Variants in MFSD6 observed in about 807,000 individuals in gnomAD.
MFSD6 encodes major facilitator superfamily domain-containing protein 6.
MFSD6 carries 26 observed loss-of-function variants against 56.3 expected under a neutral mutation model. The ratio of observed to expected loss-of-function variants is 0.46; its 90% confidence interval spans 0.34 to 0.64. MFSD6 has a LOEUF of 0.64. Ranked by LOEUF, MFSD6 falls within the 30% of genes least tolerant of loss-of-function variation. The pLI is 0.01. For missense variants in MFSD6, 750 were observed against 986.2 expected, an observed-to-expected ratio of 0.76 and a Z score of 3.21; for synonymous variants, 331 against 366.9, an observed-to-expected ratio of 0.90 and a Z score of 1.12.
chr2:190,488,685 A>T lies in MFSD6; in HGVS notation c.1659A>T (p.Ala553=). ...QGVTHAAIWA[A]CISYLSAAVP... is the part of the protein sequence containing the mutation. ...TGACACACGCGGCCATCTGGGCAGC[A>T]TGCATTTCTTACCTCAGTGCAGCCG... Residue 553 remains alanine, a synonymous_variant, in exon 5 of 8, where the codon GCA becomes GCT. Coordinates refer to ENST00000392328, the MANE Select transcript of MFSD6 (RefSeq NM_017694.4). The surrounding 1 kb of genome is among the most constrained non-coding windows in gnomAD (Gnocchi z 6.4). 6.3e-7 allele frequency: 1 copy of T among 1,592,130 alleles called. No individual in the cohort carries two copies. The highest frequency in any genetic ancestry group is 8.5e-7 in the Non-Finnish European group (1 of 1,170,164).
At position 190,446,616 on chromosome 2, in the gene MFSD6, G is replaced by A. The variant is rs535756618; in HGVS notation, c.1532+9055G>A. On this transcript the variant is annotated intron_variant, in intron 3 of 7. Transcript: ENST00000392328. Reference sequence around the variant, plus strand: ...TCAGAGAGAGGGAGGAACTAGGAAGGCACATTCATTTATAAAGAAGCTAAT... The same window carrying A: ...TCAGAGAGAGGGAGGAACTAGGAAGACACATTCATTTATAAAGAAGCTAAT... Among the ~76,000 whole-genome samples the A allele has an allele frequency of 2.5e-4, 38 of 152,246 alleles. 1 individual carries two copies. The South Asian group carries it at 7.5e-3, about 30-fold the overall frequency.
At position 190,500,245 on chromosome 2, in the gene MFSD6, C is replaced by A; in HGVS notation, c.*27C>A. ...GGCATCCTGCTCATCTCACACCCTG[C>A]ATGGAATCAGGCTCCTCAGCCAGGA... is the stretch of plus-strand genomic sequence containing the variant. On this transcript the variant is annotated 3_prime_UTR_variant, in exon 8 of 8. Transcript: ENST00000392328. This position sits in a 1 kb window ranked among gnomAD's most constrained non-coding sequence, Gnocchi z 5.3. The A allele has an allele frequency of 6.2e-7, 1 of 1,612,146 alleles. No homozygotes were observed. Among genetic ancestry groups the A allele is most frequent in the Non-Finnish European group, 8.5e-7 (1 of 1,178,544 alleles).
At chr2:190,432,441 G>A (rs1258761872) in intron 2 of MFSD6, among the ~76,000 whole-genome samples, 1 of 152,164 alleles carries the variant, frequency 6.6e-6, no homozygotes, top group Admixed American at 6.5e-5. Context: ...TTGAGACAGA[G>A]TCTTGCTCCG....
Position 190,447,084 on chromosome 2 carries a change from C to T in MFSD6, c.1532+9523C>T, listed in dbSNP as rs1013707936. On this transcript the variant is annotated intron_variant, in intron 3 of 7. Transcript: ENST00000392328. This position sits in a 1 kb window ranked among gnomAD's most constrained non-coding sequence, Gnocchi z 4.5. ...ATGCAGTCTCTCTCTGATTCATAGG[C>T]TCAGTAAAAAAAAAAACTTGAAAGG... 2.8e-5 allele frequency among the ~76,000 whole-genome samples: 4 copies of T among 142,360 alleles called. No individual in the cohort carries two copies. Among genetic ancestry groups the T allele is most frequent in the Non-Finnish European group, 4.9e-5 (3 of 61,764 alleles). 93.4% of individuals were successfully genotyped at this position (142,360 alleles called of 152,430 possible). A position where few individuals can be genotyped will look rare whatever the true frequency, so the allele number is the denominator to read the frequency against.
Position 190,499,071 on chromosome 2 carries a change from C to T in MFSD6, c.2173-944C>T, listed in dbSNP as rs1046767407. ...GGCTGAGGCAGAGAATTGCTTGAAC[C>T]CAGCAGGAGGAGGTTGCAGTGAGCC... On this transcript the variant is annotated intron_variant, in intron 7 of 7. Transcript: ENST00000392328. This position sits in a 1 kb window ranked among gnomAD's most constrained non-coding sequence, Gnocchi z 6.0. Among the ~76,000 whole-genome samples, 2 of 152,160 alleles carry T rather than the reference C, an allele frequency of 1.3e-5. No individual in the cohort carries two copies. Among genetic ancestry groups the T allele is most frequent in the Non-Finnish European group, 2.9e-5 (2 of 68,018 alleles).
At chr2:190,409,779 C>T (rs575484652) in intron 1 of MFSD6, among the ~76,000 whole-genome samples, 14 of 152,182 alleles carry the variant, frequency 9.2e-5, no homozygotes, top group Non-Finnish European at 1.8e-4. Context: ...TAGGATCCTC[C>T]TCTTTGGGAA....
chr2:190,475,523 C>T (rs969837980), intron 4 of MFSD6, among the ~76,000 whole-genome samples: 7 of 152,120 alleles, frequency 4.6e-5, no homozygotes, highest in Admixed American at 2.6e-4. Flanking sequence ...AGGACCTCTT[C>T]AAGGAGAACT....
At chr2:190,411,862 T>C (rs1374023683) in intron 1 of MFSD6, 2 of 985,256 alleles carry the variant, frequency 2.0e-6, no homozygotes, top group East Asian at 2.3e-4. Context: ...ATTTATCTGC[T>C]TGATTAGGGG....
Position 190,492,402 on chromosome 2 carries a change from A to C in MFSD6, c.1891+2536A>C, listed in dbSNP as rs1689410320. On this transcript the variant is annotated intron_variant, in intron 6 of 7. Coordinates refer to ENST00000392328, the MANE Select transcript of MFSD6 (RefSeq NM_017694.4). The surrounding 1 kb of genome is among the most constrained non-coding windows in gnomAD (Gnocchi z 5.2). ...ATCTTAAGAGCTGTGAGGCAAAAGC[A>C]CCAGATAACCTATAAAGGAAAACCT... 6.6e-6 allele frequency among the ~76,000 whole-genome samples: 1 copy of C among 152,210 alleles called. No homozygotes were observed. Among genetic ancestry groups the C allele is most frequent in the African/African-American group, 2.4e-5 (1 of 41,450 alleles).
rs754428994 is a variant in MFSD6 at position 190,495,405 on chromosome 2, T to G, written c.1892-2034T>G. ...TCATGGATGGGTAGAATCAATATTG[T>G]GAAAATGACCATACTGCTAAAAGCA... is the stretch of plus-strand genomic sequence containing the variant. On this transcript the variant is annotated intron_variant, in intron 6 of 7. Transcript: ENST00000392328. The surrounding 1 kb of genome is among the most constrained non-coding windows in gnomAD (Gnocchi z 4.7). Among the ~76,000 whole-genome samples, 10 of 152,170 alleles carry G rather than the reference T, an allele frequency of 6.6e-5. No individual in the cohort carries two copies. Among genetic ancestry groups the G allele is most frequent in the Non-Finnish European group, 1.3e-4 (9 of 68,022 alleles).
Position 190,491,836 on chromosome 2 carries a change from CAGA to C in MFSD6, c.1891+1973_1891+1975del, listed in dbSNP as rs1469000592. Reference sequence around the variant, plus strand: ...TCTCTGACTTCCCTGAAAAAGAATTCAGAAGGTCCATTATTAAGTTAATCAAGG... The same window carrying C: ...TCTCTGACTTCCCTGAAAAAGAATTCAGGTCCATTATTAAGTTAATCAAGG... On this transcript the variant is annotated intron_variant, in intron 6 of 7. Coordinates refer to ENST00000392328, the MANE Select transcript of MFSD6 (RefSeq NM_017694.4). The surrounding 1 kb of genome is among the most constrained non-coding windows in gnomAD (Gnocchi z 4.2). 6.6e-6 allele frequency among the ~76,000 whole-genome samples: 1 copy of C among 152,128 alleles called. No individual in the cohort carries two copies. The highest frequency in any genetic ancestry group is 2.4e-5 in the African/African-American group (1 of 41,428).
At chr2:190,445,001 C>A in intron 3 of MFSD6, 1 of 270,900 alleles carries the variant, frequency 3.7e-6, no homozygotes, top group Non-Finnish European at 5.7e-6. Context: ...ATTTTACAGC[C>A]CACCTGAGGA....
rs1328813830 is a variant in MFSD6 at position 190,458,227 on chromosome 2, C to T, written c.1533-11531C>T. Reference sequence around the variant, plus strand: ...ATTCATACGTTGAGGTCCTAACCCACAGTACCTCAGAGTGTGACCATATTT... The same window carrying T: ...ATTCATACGTTGAGGTCCTAACCCATAGTACCTCAGAGTGTGACCATATTT... On this transcript the variant is annotated intron_variant, in intron 3 of 7. Coordinates refer to ENST00000392328, the MANE Select transcript of MFSD6 (RefSeq NM_017694.4). The surrounding 1 kb of genome is among the most constrained non-coding windows in gnomAD (Gnocchi z 5.3). Among the ~76,000 whole-genome samples, 1 of 152,158 alleles carries T rather than the reference C, an allele frequency of 6.6e-6. No individual in the cohort carries two copies. The highest frequency in any genetic ancestry group is 1.5e-5 in the Non-Finnish European group (1 of 68,028).
At chr2:190,432,340 T>G (rs1334829187) in intron 2 of MFSD6, among the ~76,000 whole-genome samples, 1 of 152,248 alleles carries the variant, frequency 6.6e-6, no homozygotes, top group Non-Finnish European at 1.5e-5. Flanking sequence ...TATGTTCACT[T>G]GATGCCCTGC....
At chr2:190,407,728 C>G (rs1328758636), upstream of MFSD6, among the ~76,000 whole-genome samples, 1 of 152,170 alleles carries the variant, frequency 6.6e-6, no homozygotes. This position sits in a 1 kb window ranked among gnomAD's most constrained non-coding sequence, Gnocchi z 5.4. Flanking sequence ...AGGGTGCCTT[C>G]GTCTCAGTGT....
intron 2 of MFSD6, 164 bp from the exon 3 acceptor site, chr2:190,435,812 AT>A (rs1559109775): frequency 3.5e-6 from 2 of 579,448 alleles, no homozygotes; most frequent in Non-Finnish European, 5.6e-6. Flanking sequence ...TTTAAAAGCT[AT>A]TTTTCCTTAC....
At position 190,496,086 on chromosome 2, in the gene MFSD6, T is replaced by C. The variant is rs572495779; in HGVS notation, c.1892-1353T>C. ...AGAGTGGGAGAAAATCTTCAGTCTA[T>C]ATATCCGACAAAGGACTAATATCCA... On this transcript the variant is annotated intron_variant, in intron 6 of 7. Coordinates refer to ENST00000392328, the MANE Select transcript of MFSD6 (RefSeq NM_017694.4). This position sits in a 1 kb window ranked among gnomAD's most constrained non-coding sequence, Gnocchi z 4.7. Among the ~76,000 whole-genome samples, 28 of 151,948 alleles carry C rather than the reference T, an allele frequency of 1.8e-4. No homozygotes were observed. Among genetic ancestry groups the C allele is most frequent in the African/African-American group, 6.5e-4 (27 of 41,470 alleles).
intron 1 of MFSD6, among the ~76,000 whole-genome samples, chr2:190,414,029 A>G (rs1690677829): frequency 6.6e-6 from 1 of 152,186 alleles, no homozygotes; most frequent in African/African-American, 2.4e-5. Context: ...GGAAGGCACC[A>G]CACCAAACAC....
chr2:190,422,523 T>A (rs1411340120), intron 2 of MFSD6, among the ~76,000 whole-genome samples: 1 of 152,232 alleles, frequency 6.6e-6, no homozygotes, highest in Admixed American at 6.5e-5. Context: ...TAAACTCAAG[T>A]AATAATTTGG....
Sources: allele counts gnomAD v4.1 joint callset (sites outside exome capture counted in the v4.1 genomes callset), GRCh38; gene constraint gnomAD v4.1.1; non-coding constraint Gnocchi (gnomAD v3.1); transcripts MANE v1.5; gene names NCBI Gene and HGNC (gene_info 2026-07-23, HGNC 2026-07-21).